NPAS3: variants seen among roughly 807,000 people sequenced by gnomAD.
The protein encoded by NPAS3 is neuronal PAS domain-containing protein 3.
In NPAS3, 14 loss-of-function variants were observed where a neutral mutation model predicts 73.1. The ratio of observed to expected loss-of-function variants is 0.19; its 90% confidence interval spans 0.13 to 0.30. NPAS3 has a LOEUF of 0.30. Among genes scored for constraint, NPAS3 ranks in the 10% least tolerant of loss-of-function variants. The pLI is 1.00. For missense variants in NPAS3, 1,096 were observed against 1,250.0 expected, an observed-to-expected ratio of 0.88 and a Z score of 1.86; for synonymous variants, 620 against 541.5, an observed-to-expected ratio of 1.14 and a Z score of -2.01.
chr14:33,224,523 A>T (rs187585786), intron 3 of NPAS3, among the ~76,000 whole-genome samples: 1 of 152,154 alleles, frequency 6.6e-6, no homozygotes. Context: ...TTCTAAAGGA[A>T]GGCCAATAGA....
At chr14:33,467,411 T>C (rs1338337211) in intron 4 of NPAS3, among the ~76,000 whole-genome samples, 1 of 152,168 alleles carries the variant, frequency 6.6e-6, no homozygotes, top group Non-Finnish European at 1.5e-5. Flanking sequence ...AAAGTTGAGG[T>C]CTTGCTGATA....
intron 3 of NPAS3, among the ~76,000 whole-genome samples, chr14:33,309,335 A>G (rs2042909097): frequency 6.6e-6 from 1 of 152,204 alleles, no homozygotes; most frequent in African/African-American, 2.4e-5. Flanking sequence ...TCAGCCCCTC[A>G]GCTTTCACAA....
intron 2 of NPAS3, among the ~76,000 whole-genome samples, chr14:33,092,472 C>T (rs372587199): frequency 6.6e-6 from 1 of 152,048 alleles, no homozygotes; most frequent in African/African-American, 2.4e-5. Context: ...TAAAAGAGGA[C>T]ACAAACAAAT....
intron 5 of NPAS3, among the ~76,000 whole-genome samples, chr14:33,595,820 G>A (rs140820030): frequency 9.2e-5 from 14 of 152,196 alleles, no homozygotes; most frequent in East Asian, 3.9e-4. Flanking sequence ...ACAGGTGCCC[G>A]CCACCACGCC....
At chr14:33,321,367 C>G (rs74862187) in intron 3 of NPAS3, among the ~76,000 whole-genome samples, 88 of 152,120 alleles carry the variant, frequency 5.8e-4, no homozygotes, top group African/African-American at 2.0e-3. Context: ...GTAGGGTGTT[C>G]CAGGTTATCT....
chr14:33,151,429 C>A (rs2044440439), intron 2 of NPAS3, among the ~76,000 whole-genome samples: 1 of 152,164 alleles, frequency 6.6e-6, no homozygotes, highest in Non-Finnish European at 1.5e-5. Context: ...CACTTGGTTC[C>A]CTGTTTTGGA....
chr14:33,605,249 C>T (rs888777073), intron 5 of NPAS3, among the ~76,000 whole-genome samples: 2 of 151,838 alleles, frequency 1.3e-5, no homozygotes, highest in African/African-American at 4.8e-5. Context: ...ACATCATACT[C>T]AGTGGTGAAA....
chr14:33,358,437 G>A (rs1298699784), intron 3 of NPAS3, among the ~76,000 whole-genome samples: 3 of 152,242 alleles, frequency 2.0e-5, no homozygotes, highest in Admixed American at 6.5e-5. Context: ...CCTGGAACAT[G>A]CATCTGTAGC....
rs866819769 is a variant in NPAS3 at position 33,167,592 on chromosome 14, A to T, written c.141-47590A>T. On this transcript the variant is annotated intron_variant, in intron 2 of 11. Transcript: ENST00000356141. Reference sequence around the variant, plus strand: ...ACTATTATTTTTCTGAAAATAGAAGATAATACTAATTTTGATAAATATAGA... The same window carrying T: ...ACTATTATTTTTCTGAAAATAGAAGTTAATACTAATTTTGATAAATATAGA... Among the ~76,000 whole-genome samples the T allele has an allele frequency of 8.5e-5, 13 of 152,346 alleles. No homozygotes were observed. The Middle Eastern group carries it at 0.01, about 120-fold the overall frequency.
intron 6 of NPAS3, among the ~76,000 whole-genome samples, chr14:33,703,290 G>A (rs530280577): frequency 1.8e-4 from 28 of 152,186 alleles, no homozygotes; most frequent in Admixed American, 7.2e-4. Context: ...TTTAAGACTA[G>A]CCTGTGCCAC....
At chr14:33,292,641 G>C (rs1030812670) in intron 3 of NPAS3, among the ~76,000 whole-genome samples, 1 of 152,178 alleles carries the variant, frequency 6.6e-6, no homozygotes, top group African/African-American at 2.4e-5. Flanking sequence ...AAGCCAAAGA[G>C]ACTTCCTGCA....
chr14:33,202,030 T>C (rs729231), intron 2 of NPAS3, among the ~76,000 whole-genome samples: 90,568 of 152,106 alleles, frequency 0.6, 28,287 homozygotes, highest in Non-Finnish European at 0.7. Context: ...AACTTGCAAG[T>C]TCATGCAATA....
chr14:33,649,909 G>A (rs2058941718), intron 5 of NPAS3, among the ~76,000 whole-genome samples: 1 of 152,130 alleles, frequency 6.6e-6, no homozygotes, highest in African/African-American at 2.4e-5. Context: ...AGGCAGGAAG[G>A]GCCAGGGAAG....
At chr14:33,028,727 C>T (rs1375609288) in intron 1 of NPAS3, among the ~76,000 whole-genome samples, 1 of 152,022 alleles carries the variant, frequency 6.6e-6, no homozygotes, top group African/African-American at 2.4e-5. Context: ...AATACACTTA[C>T]TGGGAAAATT....
At chr14:33,296,137 T>G (rs1277740027) in intron 3 of NPAS3, among the ~76,000 whole-genome samples, 1 of 152,192 alleles carries the variant, frequency 6.6e-6, no homozygotes, top group Admixed American at 6.5e-5. Flanking sequence ...TTAGCCTTGA[T>G]TTTTCAGATG....
At chr14:32,991,956 C>G (rs139045784) in intron 1 of NPAS3, among the ~76,000 whole-genome samples, 1 of 152,190 alleles carries the variant, frequency 6.6e-6, no homozygotes, top group East Asian at 1.9e-4. Context: ...CCAAATTATT[C>G]GCTTACCATT....
chr14:33,443,224 A>G lies in NPAS3; in HGVS notation c.468+75956A>G, dbSNP rs573653803. On this transcript the variant is annotated intron_variant, in intron 4 of 11. Coordinates refer to ENST00000356141, the Ensembl canonical transcript of NPAS3. ...GTCTATCGAATATGCTGCTAAAAAC[A>G]TCATTATACTTAAAGGGAAAATTTG... Among the ~76,000 whole-genome samples the G allele has an allele frequency of 3.3e-5, 5 of 152,240 alleles. No homozygotes were observed. The South Asian group carries it at 1.0e-3, about 32-fold the overall frequency.
chr14:32,966,858 C>T (rs1207474970), intron 1 of NPAS3, among the ~76,000 whole-genome samples: 1 of 151,718 alleles, frequency 6.6e-6, no homozygotes, highest in Non-Finnish European at 1.5e-5. Context: ...ATGACATTGG[C>T]CTGAACAAGG....
At chr14:33,593,210 C>A (rs2057129536) in intron 5 of NPAS3, among the ~76,000 whole-genome samples, 1 of 152,074 alleles carries the variant, frequency 6.6e-6, no homozygotes, top group African/African-American at 2.4e-5. Flanking sequence ...CACCTCTAAT[C>A]CTCTCAACCA....
Sources: gnomAD v4.1 joint callset for allele counts (sites outside exome capture counted in the v4.1 genomes callset) on GRCh38, gnomAD v4.1.1 for gene constraint, MANE v1.5 for transcripts, NCBI Gene and HGNC (gene_info 2026-07-23, HGNC 2026-07-21) for gene names.